Variants in ATP13A2 observed in about 807,000 individuals in gnomAD.
ATP13A2 encodes the protein ATPase cation transporting 13A2.
Under a neutral mutation model 138.3 loss-of-function variants are expected in ATP13A2, and 83 were observed. That is an observed-to-expected ratio of 0.60 (90% CI 0.50 to 0.72). The LOEUF (loss-of-function observed/expected upper bound fraction) is 0.72, where lower values mean the gene tolerates loss of function less well. Ranked by LOEUF, ATP13A2 falls within the 30% of genes least tolerant of loss-of-function variation. The pLI is 0.00. For synonymous variants in ATP13A2, 663 were observed against 699.0 expected, an observed-to-expected ratio of 0.95 and a Z score of 0.81; for missense variants, 1,402 against 1,606.4, an observed-to-expected ratio of 0.87 and a Z score of 2.17.
chr1:17,002,512 C>T, intron 6 of ATP13A2, 139 bp from the exon 7 acceptor site: 2 of 988,616 alleles, frequency 2.0e-6, no homozygotes, highest in Non-Finnish European at 3.0e-6. Context: ...GCAAGTAAGC[C>T]CCCTTGAACC....
rs1185369211 is a variant in ATP13A2 at position 17,011,775 on chromosome 1, CGGCCCTCGGCCTG to C, written c.-50_-38del. ...GCGCTCATCGCCGGCCCCGGCGCTG[CGGCCCTCGGCCTG>C]GGCCCCGGCGTGCGCAAGGCCCTGG... On this transcript the variant is annotated 5_prime_UTR_variant, in exon 1 of 29. Transcript: ENST00000326735. The surrounding 1 kb of genome is among the most constrained non-coding windows in gnomAD (Gnocchi z 7.3). 4 of 1,411,764 alleles carry C rather than the reference CGGCCCTCGGCCTG, an allele frequency of 2.8e-6. No individual in the cohort carries two copies. The Admixed American group carries it at 1.1e-4, about 37-fold the overall frequency. The allele number at this position is 1,411,764 out of a possible 1,614,324, so 87.5% of individuals were successfully genotyped here.
Position 16,996,314 on chromosome 1 carries a change from G to A in ATP13A2, c.1307-14C>T, listed in dbSNP as rs370771306. On this transcript the variant is annotated splice_polypyrimidine_tract_variant and intron_variant, in intron 13 of 28. Transcript: ENST00000326735. Reference sequence around the variant, plus strand: ...TGCCGAGGAGAGCTGTGGGGACAGCGAAGGACTGAGTGGGATTTGGGACCC... The same window carrying A: ...TGCCGAGGAGAGCTGTGGGGACAGCAAAGGACTGAGTGGGATTTGGGACCC... 21 of 1,614,120 alleles carry A rather than the reference G, an allele frequency of 1.3e-5. No homozygotes were observed. The highest frequency in any genetic ancestry group is 1.7e-4 in the Middle Eastern group (1 of 6,060).
At position 16,994,954 on chromosome 1, in the gene ATP13A2, G is replaced by C. The variant is rs189667939; in HGVS notation, c.1542+1022C>G. 5.2e-3 allele frequency among the ~76,000 whole-genome samples: 798 copies of C among 152,242 alleles called. 9 individuals carry two copies. Among genetic ancestry groups the C allele is most frequent in the African/African-American group, 0.018 (750 of 41,542 alleles). On this transcript the variant is annotated intron_variant, in intron 15 of 28. Transcript: ENST00000326735. ...CGGGATTCCAGGCATGAGCCACTGC[G>C]CTGGGCCCCCTCCCCAGTTTAAAAG...
Position 16,992,125 on chromosome 1 carries a change from G to T in ATP13A2, c.2010C>A (p.Pro670=). The T allele has an allele frequency of 6.2e-7, 1 of 1,613,206 alleles. No homozygotes were observed. Among genetic ancestry groups the T allele is most frequent in the Non-Finnish European group, 8.5e-7 (1 of 1,179,468 alleles). ...TCTGCAGCATCTGGGCGAAGTCGGT[G>T]GGCACTGCCAGGGAGAGGCAGGTGT... ...VAGLCNPETV[P]TDFAQMLQSY... The change falls in exon 19 of 29, where the codon CCC becomes CCA. Residue 670 remains proline, a synonymous_variant. Transcript: ENST00000326735.
In ATP13A2 at chr1:17,004,066, A is replaced by C. The variant is rs113157685; in HGVS notation, c.557+266T>G. Among the ~76,000 whole-genome samples, 43 of 152,370 alleles carry C rather than the reference A, an allele frequency of 2.8e-4. No homozygotes were observed. Among genetic ancestry groups the C allele is most frequent in the African/African-American group, 9.4e-4 (39 of 41,592 alleles). Reference sequence around the variant, plus strand: ...ATAGTCTGATTCACAGTGGTGTCACAACCTCAGATCACATTCGGTGCCAAG... The same window carrying C: ...ATAGTCTGATTCACAGTGGTGTCACCACCTCAGATCACATTCGGTGCCAAG... On this transcript the variant is annotated intron_variant, in intron 6 of 28. Transcript: ENST00000326735. The surrounding 1 kb of genome is among the most constrained non-coding windows in gnomAD (Gnocchi z 4.1).
chr1:17,001,815 C>T (rs2077368707), intron 8 of ATP13A2, among the ~76,000 whole-genome samples: 1 of 152,208 alleles, frequency 6.6e-6, no homozygotes, highest in Non-Finnish European at 1.5e-5. Flanking sequence ...ATGAGTGGGG[C>T]CCCAATCTGT....
At chr1:16,997,412 A>AGCGGGGG (rs2077170762) in intron 11 of ATP13A2, among the ~76,000 whole-genome samples, 1 of 50,808 alleles carries the variant, frequency 2.0e-5, no homozygotes, top group East Asian at 1.2e-3. Context: ...CCCTGGAACC[A>AGCGGGGG]GCGGGGGGGG....
chr1:17,000,241 C>T lies in ATP13A2; in HGVS notation c.907+5G>A. The T allele has an allele frequency of 6.4e-7, 1 of 1,560,974 alleles. No individual in the cohort carries two copies. The highest frequency in any genetic ancestry group is 8.7e-7 in the Non-Finnish European group (1 of 1,152,390). ...GCCCCCGCCCCCTGGGCCCTAGCTC[C>T]TCACCTCCCCCTGGCCGGCACACGC... On this transcript the variant is annotated splice_donor_5th_base_variant and intron_variant, in intron 10 of 28. Coordinates refer to ENST00000326735, the MANE Select transcript of ATP13A2 (RefSeq NM_022089.4).
At chr1:16,991,691 C>T (rs756823468) in intron 20 of ATP13A2, 43 bp downstream of exon 20, 5 of 1,613,712 alleles carry the variant, frequency 3.1e-6, no homozygotes, top group East Asian at 2.2e-5. Flanking sequence ...CAGGAAGGGG[C>T]GGATTCTGCC....
intron 11 of ATP13A2, among the ~76,000 whole-genome samples, chr1:16,997,493 G>A (rs1190441460): frequency 7.0e-6 from 1 of 142,532 alleles, no homozygotes; most frequent in Non-Finnish European, 1.5e-5. Flanking sequence ...TTCTCTTTCT[G>A]CTGGAATTAT....
At chr1:16,996,917 T>C in intron 12 of ATP13A2, 103 bp downstream of exon 12, 1 of 1,418,176 alleles carries the variant, frequency 7.1e-7, no homozygotes, top group Non-Finnish European at 9.7e-7. Flanking sequence ...GCAGCAGAGG[T>C]GGGCGTGGGG....
chr1:16,997,105 C>G lies in ATP13A2; in HGVS notation c.1110G>C (p.Arg370=). Residue 370 remains arginine, a synonymous_variant, in exon 12 of 29, where the codon CGG becomes CGC. Transcript: ENST00000326735. ...GLGPYCAETH[R]RHTLFCGTLI... is the part of the protein sequence containing the mutation. ...GGGTCCCGCAGAAGAGTGTGTGCCG[C>G]CGGTGTGTCTCTGCACAGTAGGGCC... is the stretch of plus-strand genomic sequence containing the variant. 6.2e-7 allele frequency: 1 copy of G among 1,613,780 alleles called. No individual in the cohort carries two copies. Among genetic ancestry groups the G allele is most frequent in the Non-Finnish European group, 8.5e-7 (1 of 1,180,026 alleles).
At chr1:17,003,957 C>T (rs1308846575) in intron 6 of ATP13A2, among the ~76,000 whole-genome samples, 2 of 152,088 alleles carry the variant, frequency 1.3e-5, no homozygotes, top group Admixed American at 6.6e-5. Flanking sequence ...CCACCGCACC[C>T]AGCCTGAGCT....
At chr1:17,002,793 T>C (rs1417987029) in intron 6 of ATP13A2, among the ~76,000 whole-genome samples, 1 of 152,142 alleles carries the variant, frequency 6.6e-6, no homozygotes, top group Non-Finnish European at 1.5e-5. Flanking sequence ...CGGGGACTGC[T>C]TTGGACGTGC....
In ATP13A2 at chr1:16,991,793, TGC is replaced by T; in HGVS notation, c.2190_2191del (p.Gln731AspfsTer51). The T allele has an allele frequency of 6.2e-7, 1 of 1,614,182 alleles. No individual in the cohort carries two copies. Among genetic ancestry groups the T allele is most frequent in the South Asian group, 1.1e-5 (1 of 91,090 alleles). Reference sequence around the variant, plus strand: ...CAGAGCCTGGATAACTGGCGTTGTCTGCGGCTTCAGTAGGTTCCTCATGACCA... The same window carrying T: ...CAGAGCCTGGATAACTGGCGTTGTCTGGCTTCAGTAGGTTCCTCATGACCA... On this transcript the variant is annotated frameshift_variant, in exon 20 of 29. Transcript: ENST00000326735. LOFTEE classifies it high-confidence loss of function.
chr1:17,004,387 A>G lies in ATP13A2; in HGVS notation c.502T>C (p.Phe168Leu). The G allele has an allele frequency of 1.2e-6, 2 of 1,614,082 alleles. No individual in the cohort carries two copies. Among genetic ancestry groups the G allele is most frequent in the Non-Finnish European group, 1.7e-6 (2 of 1,180,024 alleles). ...ATCCAGATATAGCGCTGGCCCTGGA[A>G]GAGGTAATACCGCAGCACCCGCTTC... Reference protein sequence around the residue: ...GQKRVLRYYLFQGQRYIWIET... With the variant: ...GQKRVLRYYLLQGQRYIWIET... The change falls in exon 6 of 29, where the codon TTC becomes CTC. Residue 168 changes from phenylalanine to leucine, a missense_variant. By Grantham distance (22) the Phe-to-Leu change is conservative. Transcript: ENST00000326735. The surrounding 1 kb of genome is among the most constrained non-coding windows in gnomAD (Gnocchi z 4.1).
chr1:16,994,034 C>T (rs1387448917), intron 15 of ATP13A2, among the ~76,000 whole-genome samples, 199 bp from the exon 16 acceptor site: 6 of 151,976 alleles, frequency 3.9e-5, no homozygotes, highest in Admixed American at 3.3e-4. Context: ...CAGCCCCCAC[C>T]GTCTCTCTGT....
chr1:16,993,878 G>A (rs986013884), intron 15 of ATP13A2, 43 bp from the exon 16 acceptor site: 30 of 1,474,382 alleles, frequency 2.0e-5, no homozygotes, highest in Middle Eastern at 2.2e-4. Flanking sequence ...GTCCTGGGAT[G>A]GGGGTACCCT....
In ATP13A2 at chr1:16,986,706, C is replaced by A; in HGVS notation, c.3236-74G>T. ...CACAGACACACGTGTGCACGCCAGT[C>A]TTCCACTCGGCCGGCACCTCTCTCC... On this transcript the variant is annotated intron_variant, in intron 27 of 28. Transcript: ENST00000326735. This position sits in a 1 kb window ranked among gnomAD's most constrained non-coding sequence, Gnocchi z 6.9. 6.4e-7 allele frequency: 1 copy of A among 1,569,132 alleles called. No individual in the cohort carries two copies. The highest frequency in any genetic ancestry group is 1.1e-5 in the South Asian group (1 of 87,486).
Sources: gnomAD v4.1 joint callset for allele counts (sites outside exome capture counted in the v4.1 genomes callset) on GRCh38, gnomAD v4.1.1 for gene constraint, Gnocchi (gnomAD v3.1) non-coding constraint, MANE v1.5 for transcripts, NCBI Gene and HGNC (gene_info 2026-07-23, HGNC 2026-07-21) for gene names.